The following NAA25 variants were observed in gnomAD, a reference collection of about 807,000 sequenced individuals.
NAA25 encodes the protein N-terminal acetyltransferase B complex subunit NAA25.
Under a neutral mutation model 132.5 loss-of-function variants are expected in NAA25, and 30 were observed. The ratio of observed to expected loss-of-function variants is 0.23; its 90% CI spans 0.17 to 0.31. The LOEUF (loss-of-function observed/expected upper bound fraction) is 0.31, where lower values mean the gene tolerates loss of function less well. Ranked by LOEUF, NAA25 falls within the 10% of genes least tolerant of loss-of-function variation. NAA25 has a pLI of 1.00. For missense variants in NAA25, 771 were observed against 1,150.4 expected, an observed-to-expected ratio of 0.67 and a Z score of 4.77; for synonymous variants, 359 against 401.9, an observed-to-expected ratio of 0.89 and a Z score of 1.28.
rs1195655023 is a variant in NAA25, at chr12:112,039,213, G to A, written c.2649+16C>T. 4.8e-6 allele frequency: 7 copies of A among 1,444,028 alleles called. No homozygotes were observed. Among genetic ancestry groups the A allele is most frequent in the East Asian group, 2.3e-5 (1 of 43,566 alleles). The allele number at this position is 1,444,028 out of a possible 1,614,324, so 89.5% of individuals were successfully genotyped here. ...TCAGATTGTTCCTTGTATATCACTT[G>A]TGTTACTGTTATTACCATGATGATG... is the stretch of plus-strand genomic sequence containing the variant. On this transcript the variant is annotated intron_variant, in intron 22 of 23. Coordinates refer to ENST00000261745, the MANE Select transcript of NAA25 (RefSeq NM_024953.4).
In NAA25 at chr12:112,099,500, C is replaced by T. The variant is rs12582208; in HGVS notation, c.59-6364G>A. Among the ~76,000 whole-genome samples the T allele has an allele frequency of 0.056, 8,449 of 152,068 alleles. 1,303 individuals are homozygous for T. In the East Asian group the frequency reaches 0.61, roughly 11 times the overall value. On this transcript the variant is annotated intron_variant, in intron 1 of 23. Coordinates refer to ENST00000261745, the MANE Select transcript of NAA25 (RefSeq NM_024953.4). ...TGGAGAAAAATATTAACTGATAGCA[C>T]AGATAATACTATAATGCAGCTAAAA...
intron 11 of NAA25, chr12:112,065,817 AG>A (rs2078709630): frequency 6.6e-6 from 1 of 152,224 alleles, no homozygotes; most frequent in African/African-American, 2.4e-5. Context: ...GTCAGACTTT[AG>A]AAAGATTTGG....
intron 13 of NAA25, among the ~76,000 whole-genome samples, chr12:112,056,458 G>A (rs1348667049): frequency 6.6e-6 from 1 of 152,152 alleles, no homozygotes; most frequent in East Asian, 1.9e-4. Flanking sequence ...CCAGGAGGCT[G>A]AAGTGGGAGG....
Position 112,049,556 on chromosome 12 carries a change from C to G in NAA25, c.1729-1113G>C. ...CCACGGGCGCTAATTCAACTGCATT[C>G]GATGCGGCTTTTAAACCCCCATGGG... On this transcript the variant is annotated intron_variant, in intron 15 of 23. Coordinates refer to ENST00000261745, the MANE Select transcript of NAA25 (RefSeq NM_024953.4). This position sits in a 1 kb window ranked among gnomAD's most constrained non-coding sequence, Gnocchi z 4.7. The G allele has an allele frequency of 1.0e-6, 1 of 985,876 alleles. No individual in the cohort carries two copies. The highest frequency in any genetic ancestry group is 1.2e-6 in the Non-Finnish European group (1 of 829,962). 61.1% of individuals were successfully genotyped at this position (985,876 alleles called of 1,614,324 possible).
rs201022557 is a variant in NAA25, at chr12:112,071,959, A to G, written c.972T>C (p.His324=). 3.3e-5 allele frequency: 53 copies of G among 1,614,070 alleles called. No individual in the cohort carries two copies. In the East Asian group the frequency reaches 1.2e-3, roughly 36 times the overall value. The change falls in exon 10 of 24, where the codon CAT becomes CAC. Residue 324 remains histidine, a synonymous_variant. Transcript: ENST00000261745. ...GCCTAATCAGCTCCAATTTAGCTAG[A>G]TGTGGTCCTCGGAGATGGCGAGAAC... ...SKSSRHLRGP[H]LAKLELIRRL... is the part of the protein sequence containing the mutation.
intron 2 of NAA25, among the ~76,000 whole-genome samples, chr12:112,091,441 C>G (rs1339953769): frequency 1.3e-5 from 2 of 152,024 alleles, no homozygotes; most frequent in South Asian, 2.1e-4. Context: ...GTAACCCCAG[C>G]ACTTTGGAAG....
chr12:112,028,138 A>C lies in NAA25; in HGVS notation c.*1393T>G, dbSNP rs187084976. 109 of 152,348 alleles carry C rather than the reference A, an allele frequency of 7.2e-4. No homozygotes were observed. The highest frequency in any genetic ancestry group is 2.6e-3 in the African/African-American group (108 of 41,582). 9.4% of individuals were successfully genotyped at this position (152,348 alleles called of 1,614,324 possible). ...CTCTTGGTTGCTTTTAAAAGAAAAA[A>C]GTACCACATTTCACTGGAGCAGTGC... On this transcript the variant is annotated 3_prime_UTR_variant, in exon 24 of 24. Transcript: ENST00000261745.
At chr12:112,064,364 T>C (rs904848667) in intron 11 of NAA25, 1 of 152,276 alleles carries the variant, frequency 6.6e-6, no homozygotes, top group African/African-American at 2.4e-5. Flanking sequence ...TAGCTGGGAC[T>C]ACAGTACAGG....
At chr12:112,084,096 C>T (rs2079009671) in intron 4 of NAA25, among the ~76,000 whole-genome samples, 1 of 152,216 alleles carries the variant, frequency 6.6e-6, no homozygotes. Context: ...AGTTTAAAAA[C>T]ATGGATCTAA....
chr12:112,036,931 CATAGAA>C (rs1340129072), intron 22 of NAA25, among the ~76,000 whole-genome samples: 1 of 151,440 alleles, frequency 6.6e-6, no homozygotes, highest in African/African-American at 2.4e-5. Context: ...TAGTTCTCGT[CATAGAA>C]ATAAACTAGA....
intron 6 of NAA25, 97 bp from the exon 7 acceptor site, chr12:112,078,363 G>A (rs1459986732): frequency 3.4e-6 from 3 of 882,984 alleles, no homozygotes; most frequent in East Asian, 5.0e-5. Context: ...AATAGAGCAT[G>A]TCTTCAAATG....
intron 15 of NAA25, among the ~76,000 whole-genome samples, chr12:112,052,386 C>T (rs2078480586): frequency 1.3e-5 from 2 of 152,006 alleles, no homozygotes; most frequent in African/African-American, 2.4e-5. Flanking sequence ...GAGGTCTGAA[C>T]GGAGATACCA....
intron 10 of NAA25, among the ~76,000 whole-genome samples, chr12:112,071,102 T>C (rs1032240929): frequency 6.6e-6 from 1 of 152,118 alleles, no homozygotes; most frequent in African/African-American, 2.4e-5. Flanking sequence ...CAGGCTGGTC[T>C]TGAACACCTG....
At chr12:112,034,853 A>G (rs1004256990) in intron 22 of NAA25, 1 of 151,780 alleles carries the variant, frequency 6.6e-6, no homozygotes, top group Non-Finnish European at 1.5e-5. Flanking sequence ...TTATATTATA[A>G]ATGTATCTTT....
rs115946649 is a variant in NAA25, at chr12:112,096,325, A to G, written c.59-3189T>C. Among the ~76,000 whole-genome samples, 140 of 152,322 alleles carry G rather than the reference A, an allele frequency of 9.2e-4. 1 individual carries two copies. The highest frequency in any genetic ancestry group is 3.2e-3 in the African/African-American group (135 of 41,576). On this transcript the variant is annotated intron_variant, in intron 1 of 23. Coordinates refer to ENST00000261745, the MANE Select transcript of NAA25 (RefSeq NM_024953.4). ...ACTACCAGGTTCCTCTTTGCTCATC[A>G]AAGTTCCCTATCAGCAAAGGCACAG... is the stretch of plus-strand genomic sequence containing the variant.
intron 1 of NAA25, among the ~76,000 whole-genome samples, chr12:112,095,338 G>A (rs941517864): frequency 6.6e-6 from 1 of 151,944 alleles, no homozygotes; most frequent in Non-Finnish European, 1.5e-5. Context: ...TCGTGAGGCT[G>A]AGGCAGGAGA....
At chr12:112,108,392 G>A (rs973280520) in intron 1 of NAA25, among the ~76,000 whole-genome samples, 3 of 152,216 alleles carry the variant, frequency 2.0e-5, no homozygotes, top group African/African-American at 4.8e-5. Context: ...GGAGATCTCC[G>A]GTCTCCCTAG....
chr12:112,060,429 A>C, intron 12 of NAA25, 70 bp from the exon 13 acceptor site: 1 of 997,430 alleles, frequency 1.0e-6, no homozygotes, highest in Non-Finnish European at 1.5e-6. Context: ...GGAGTTTTTA[A>C]AAGCAGGAAA....
intron 20 of NAA25, among the ~76,000 whole-genome samples, chr12:112,041,547 T>C (rs2078301613): frequency 6.6e-6 from 1 of 152,082 alleles, no homozygotes; most frequent in Non-Finnish European, 1.5e-5. Flanking sequence ...TCTATTAAAT[T>C]ATTGGGAATT....
Sources: gnomAD v4.1 joint callset for allele counts (sites outside exome capture counted in the v4.1 genomes callset) on GRCh38, gnomAD v4.1.1 for gene constraint, Gnocchi (gnomAD v3.1) non-coding constraint, MANE v1.5 for transcripts, NCBI Gene and HGNC (gene_info 2026-07-23, HGNC 2026-07-21) for gene names.